ZZZ3: variants seen among roughly 807,000 people sequenced by gnomAD.
ZZZ3 encodes zinc finger ZZ-type containing 3, also known as ZZ-type zinc finger-containing protein 3.
Under a neutral mutation model 95.2 loss-of-function variants are expected in ZZZ3, and 22 were observed. The observed-to-expected ratio is 0.23, with a 90% CI of 0.17 to 0.33. ZZZ3 has a LOEUF of 0.33. Ranked by LOEUF, ZZZ3 falls within the 10% of genes least tolerant of loss-of-function variation. The pLI is 1.00. For synonymous variants in ZZZ3, 335 were observed against 358.9 expected (o/e 0.93, Z 0.75); for missense variants, 885 against 1,066.5 (o/e 0.83, Z 2.37).
chr1:77,662,878 G>A (rs550687114), intron 1 of ZZZ3, among the ~76,000 whole-genome samples: 6 of 152,302 alleles, frequency 3.9e-5, no homozygotes, highest in East Asian at 1.9e-4. Flanking sequence ...GCCAAGGCAG[G>A]AGGATCCCTC....
intron 1 of ZZZ3, among the ~76,000 whole-genome samples, chr1:77,682,248 C>T (rs1431697086): frequency 6.6e-6 from 1 of 152,094 alleles, no homozygotes; most frequent in African/African-American, 2.4e-5. Flanking sequence ...AATAGTTAAC[C>T]GGTCTGGAAT....
At chr1:77,595,469 C>A (rs1397785403) in intron 5 of ZZZ3, among the ~76,000 whole-genome samples, 3 of 151,930 alleles carry the variant, frequency 2.0e-5, no homozygotes, top group Admixed American at 2.0e-4. Flanking sequence ...GACAGAATAT[C>A]AAATATTACA....
intron 1 of ZZZ3, among the ~76,000 whole-genome samples, chr1:77,667,871 T>A (rs2101041796): frequency 6.6e-6 from 1 of 151,680 alleles, no homozygotes; most frequent in Non-Finnish European, 1.5e-5. Flanking sequence ...GTTCAAGTGA[T>A]TCTCCTGCCT....
intron 1 of ZZZ3, among the ~76,000 whole-genome samples, chr1:77,674,717 C>G (rs974452650): frequency 6.6e-6 from 1 of 151,926 alleles, no homozygotes. Flanking sequence ...TTTCGGAGGC[C>G]GAGGTGGGCA....
At chr1:77,648,348 CAAAAA>C (rs774444208) in intron 1 of ZZZ3, among the ~76,000 whole-genome samples, 11 of 52,950 alleles carry the variant, frequency 2.1e-4, no homozygotes, top group Non-Finnish European at 3.9e-5. Flanking sequence ...AATCTTGCCT[CAAAAA>C]AAAAAAAAAA....
At chr1:77,643,280 C>T (rs1164939946) in intron 1 of ZZZ3, among the ~76,000 whole-genome samples, 2 of 152,148 alleles carry the variant, frequency 1.3e-5, no homozygotes, top group African/African-American at 2.4e-5. Context: ...ACTCTTGTAG[C>T]CCCTGTATTG....
chr1:77,600,161 A>G (rs1333306722), intron 5 of ZZZ3, among the ~76,000 whole-genome samples: 13 of 152,106 alleles, frequency 8.5e-5, no homozygotes, highest in East Asian at 7.7e-4. Context: ...CAGCTAAGCT[A>G]TATTTTCCTT....
intron 1 of ZZZ3, among the ~76,000 whole-genome samples, chr1:77,657,585 G>A (rs770743021): frequency 2.7e-4 from 41 of 152,166 alleles, no homozygotes; most frequent in Non-Finnish European, 3.8e-4. Flanking sequence ...AAATGACTGC[G>A]AAAGTGCCAG....
At chr1:77,657,356 CT>C (rs747778438) in intron 1 of ZZZ3, among the ~76,000 whole-genome samples, 1 of 152,158 alleles carries the variant, frequency 6.6e-6, no homozygotes, top group Non-Finnish European at 1.5e-5. Flanking sequence ...TCATCACAGC[CT>C]TCTTGCACTT....
chr1:77,566,231 CTTT>C, intron 13 of ZZZ3, 50 bp from the exon 14 acceptor site: 1 of 1,351,752 alleles, frequency 7.4e-7, no homozygotes, highest in South Asian at 1.3e-5. Flanking sequence ...GTTCCACGAT[CTTT>C]TTTATTTTCC....
At position 77,563,709 on chromosome 1, in the gene ZZZ3, G is replaced by C. The variant is rs527816759; in HGVS notation, c.*1931C>G. On this transcript the variant is annotated 3_prime_UTR_variant, in exon 15 of 15. Transcript: ENST00000370801. ...CTATCTTGCCTAATTACAAGTTGAA[G>C]GCAGATCTTCTGGCATATTCACAAA... The C allele has an allele frequency of 6.6e-6, 1 of 152,224 alleles. No individual in the cohort carries two copies. The highest frequency in any genetic ancestry group is 2.4e-5 in the African/African-American group (1 of 41,544). The allele number at this position is 152,224 out of a possible 1,614,324, so 9.4% of individuals were successfully genotyped here. A position where few individuals can be genotyped will look rare whatever the true frequency, so the allele number is the denominator to read the frequency against.
chr1:77,641,364 T>G lies in ZZZ3; in HGVS notation c.-206+20A>C. On this transcript the variant is annotated intron_variant, in intron 3 of 14. Transcript: ENST00000370801. ...GGCAAGAACATCTGCAACTGTTATTTTCACAGAACTGATACTTACAGCTGA... is the reference window on the plus strand; with the variant it reads ...GGCAAGAACATCTGCAACTGTTATTGTCACAGAACTGATACTTACAGCTGA... 2 of 390,400 alleles carry G rather than the reference T, an allele frequency of 5.1e-6. No homozygotes were observed. The highest frequency in any genetic ancestry group is 9.0e-6 in the Non-Finnish European group (2 of 221,230). The allele number at this position is 390,400 out of a possible 1,614,324, so 24.2% of individuals were successfully genotyped here. A position where few individuals can be genotyped will look rare whatever the true frequency, so the allele number is the denominator to read the frequency against.
At chr1:77,578,913 C>T (rs1394905021) in intron 10 of ZZZ3, 44 bp from the exon 11 acceptor site, 2 of 1,285,260 alleles carry the variant, frequency 1.6e-6, no homozygotes, top group Non-Finnish European at 2.1e-6. Context: ...AGATGACATA[C>T]AATACCTGAG....
intron 4 of ZZZ3, among the ~76,000 whole-genome samples, chr1:77,636,012 T>A (rs1036887133): frequency 6.6e-6 from 1 of 152,202 alleles, no homozygotes; most frequent in Non-Finnish European, 1.5e-5. Flanking sequence ...TACTTATTTT[T>A]AAATATTAAA....
At chr1:77,626,939 CAATA>C (rs772682958) in intron 5 of ZZZ3, among the ~76,000 whole-genome samples, 15 of 152,120 alleles carry the variant, frequency 9.9e-5, no homozygotes, top group East Asian at 3.9e-4. Context: ...GTATTTCATT[CAATA>C]AATAAAGCAA....
chr1:77,620,214 G>A (rs1014057084), intron 5 of ZZZ3, among the ~76,000 whole-genome samples: 1 of 152,162 alleles, frequency 6.6e-6, no homozygotes, highest in African/African-American at 2.4e-5. Flanking sequence ...GGCCTAGAAT[G>A]AGAGAACATA....
intron 5 of ZZZ3, among the ~76,000 whole-genome samples, chr1:77,598,840 C>T (rs1331520340): frequency 2.0e-5 from 3 of 152,120 alleles, no homozygotes; most frequent in Non-Finnish European, 4.4e-5. Context: ...TGTTGTAAAA[C>T]CTTTCTCCAA....
intron 12 of ZZZ3, among the ~76,000 whole-genome samples, chr1:77,571,484 T>C (rs1297487829): frequency 1.3e-5 from 2 of 152,236 alleles, no homozygotes; most frequent in Non-Finnish European, 2.9e-5. Flanking sequence ...TGTATACCTA[T>C]GTTCACAGTA....
intron 5 of ZZZ3, among the ~76,000 whole-genome samples, chr1:77,616,064 A>T (rs1023399876): frequency 2.6e-5 from 4 of 152,136 alleles, no homozygotes; most frequent in Non-Finnish European, 4.4e-5. Flanking sequence ...TTATCTAATA[A>T]TTTGTCTCTT....
Sources: gnomAD v4.1 joint callset for allele counts (sites outside exome capture counted in the v4.1 genomes callset) on GRCh38, gnomAD v4.1.1 for gene constraint, MANE v1.5 for transcripts, NCBI Gene and HGNC (gene_info 2026-07-23, HGNC 2026-07-21) for gene names.